Variants in FNBP1L observed in about 807,000 individuals in gnomAD.
FNBP1L encodes formin-binding protein 1-like.
A neutral mutation model predicts 91.2 loss-of-function variants in FNBP1L; 36 were observed. That is an observed-to-expected ratio of 0.39 (90% CI 0.30 to 0.52). The LOEUF is 0.52. Ranked by LOEUF, FNBP1L falls within the 20% of genes least tolerant of loss-of-function variation. The probability of loss-of-function intolerance (pLI) is 0.66; values close to 1 mark genes in which losing one functional copy is unlikely to be tolerated. For synonymous variants in FNBP1L, 242 were observed against 237.0 expected (o/e 1.02, Z -0.19); for missense variants, 571 against 732.1 (o/e 0.78, Z 2.54).
intron 2 of FNBP1L, among the ~76,000 whole-genome samples, chr1:93,501,940 T>A (rs972626005): frequency 1.3e-5 from 2 of 151,908 alleles, no homozygotes; most frequent in African/African-American, 4.8e-5. Flanking sequence ...AAACTCTTCA[T>A]TGCAGGAAAA....
At chr1:93,512,808 C>G (rs1406159969) in intron 2 of FNBP1L, among the ~76,000 whole-genome samples, 3 of 151,848 alleles carry the variant, frequency 2.0e-5, no homozygotes, top group Non-Finnish European at 4.4e-5. Context: ...TAAATGCCCA[C>G]AAGAGAAAGC....
At chr1:93,456,160 T>C (rs879547029) in intron 1 of FNBP1L, among the ~76,000 whole-genome samples, 7 of 152,184 alleles carry the variant, frequency 4.6e-5, no homozygotes, top group Admixed American at 4.6e-4. Flanking sequence ...AGAATCTGTA[T>C]GGAGCCCAAG....
chr1:93,452,583 C>A (rs575300418), intron 1 of FNBP1L, among the ~76,000 whole-genome samples: 10 of 152,250 alleles, frequency 6.6e-5, no homozygotes, highest in African/African-American at 2.4e-4. Flanking sequence ...ACTGGTTAGA[C>A]CATATCTGTA....
At chr1:93,481,550 C>CA in intron 1 of FNBP1L, among the ~76,000 whole-genome samples, 1 of 152,300 alleles carries the variant, frequency 6.6e-6, no homozygotes, top group Middle Eastern at 3.4e-3. Context: ...GTCACACTTA[C>CA]AAGCCTCTTA....
intron 1 of FNBP1L, among the ~76,000 whole-genome samples, chr1:93,477,189 TAAAC>T (rs1336481926): frequency 5.9e-5 from 9 of 152,220 alleles, no homozygotes; most frequent in Admixed American, 1.3e-4. Flanking sequence ...ATTGCAGTAT[TAAAC>T]AAATGGTAAT....
chr1:93,523,244 A>T, intron 3 of FNBP1L, 100 bp from the exon 4 acceptor site: 1 of 1,213,292 alleles, frequency 8.2e-7, no homozygotes. Context: ...TTTAGGTTGA[A>T]TATGCTAAAA....
chr1:93,456,360 A>G (rs935322868), intron 1 of FNBP1L, among the ~76,000 whole-genome samples: 2 of 152,226 alleles, frequency 1.3e-5, no homozygotes, highest in Non-Finnish European at 1.5e-5. Flanking sequence ...TATAGTTTGA[A>G]AAGAATCAGT....
At chr1:93,551,931 A>G (rs1246349323) in intron 16 of FNBP1L, 29 of 986,096 alleles carry the variant, frequency 2.9e-5, no homozygotes, top group Non-Finnish European at 7.2e-6. Flanking sequence ...TACACATAGG[A>G]AAATACACAG....
intron 1 of FNBP1L, among the ~76,000 whole-genome samples, chr1:93,459,297 T>TA (rs1668780469): frequency 6.6e-6 from 1 of 152,138 alleles, no homozygotes; most frequent in South Asian, 2.1e-4. Context: ...CCTCTGTGGT[T>TA]AAGGGGGGAC....
chr1:93,477,278 C>T (rs1669529786), intron 1 of FNBP1L, among the ~76,000 whole-genome samples: 2 of 152,246 alleles, frequency 1.3e-5, no homozygotes, highest in Admixed American at 6.5e-5. Flanking sequence ...TGAGTGTATC[C>T]TGTGTGAATA....
intron 2 of FNBP1L, among the ~76,000 whole-genome samples, chr1:93,511,097 A>G (rs1670822352): frequency 1.3e-5 from 2 of 152,192 alleles, no homozygotes; most frequent in Admixed American, 1.3e-4. Context: ...TTCAGGAAAT[A>G]AAGAGAATGC....
intron 1 of FNBP1L, among the ~76,000 whole-genome samples, chr1:93,475,820 C>T (rs1669474695): frequency 6.6e-6 from 1 of 152,030 alleles, no homozygotes; most frequent in African/African-American, 2.4e-5. Flanking sequence ...ATTCTGTTTA[C>T]TAAAAGGAAA....
chr1:93,487,497 G>A (rs570570196), intron 1 of FNBP1L, among the ~76,000 whole-genome samples: 66 of 152,240 alleles, frequency 4.3e-4, no homozygotes, highest in Non-Finnish European at 8.4e-4. Flanking sequence ...CACTGCATTC[G>A]ATAGAGGAAA....
chr1:93,513,630 A>C (rs1670947757), intron 2 of FNBP1L, among the ~76,000 whole-genome samples: 1 of 152,056 alleles, frequency 6.6e-6, no homozygotes, highest in Admixed American at 6.6e-5. Flanking sequence ...CAAATCAATA[A>C]ATGTAATCCA....
intron 1 of FNBP1L, among the ~76,000 whole-genome samples, chr1:93,456,434 A>T (rs1350312052): frequency 6.6e-6 from 1 of 151,928 alleles, no homozygotes; most frequent in Non-Finnish European, 1.5e-5. Flanking sequence ...GGAGTAAAGG[A>T]TATCTGTTTT....
chr1:93,471,837 C>G (rs1416730746), intron 1 of FNBP1L, among the ~76,000 whole-genome samples: 2 of 152,046 alleles, frequency 1.3e-5, no homozygotes, highest in African/African-American at 2.4e-5. Flanking sequence ...TATTTTATAC[C>G]TTTTAAACAT....
Position 93,481,591 on chromosome 1 carries a change from C to T in FNBP1L, c.25-17877C>T, listed in dbSNP as rs80260161. 4.8e-3 allele frequency among the ~76,000 whole-genome samples: 725 copies of T among 152,180 alleles called. 1 individual carries two copies. The highest frequency in any genetic ancestry group is 7.7e-3 in the Non-Finnish European group (523 of 68,014). On this transcript the variant is annotated intron_variant, in intron 1 of 16. Coordinates refer to ENST00000271234, the MANE Select transcript of FNBP1L (RefSeq NM_001164473.3). ...TTACTCCTGTACTGAAATGAACATA[C>T]GGTAAAATTCAAGAGAAACTGAGGT...
At position 93,499,524 on chromosome 1, in the gene FNBP1L, A is replaced by G. The variant is rs779612235; in HGVS notation, c.81A>G (p.Arg27=). ...AATGGGGAATTGACTTCTTGGAAAG[A>G]TATGCCAAATTTGTTAAAGAGAGGA... The part of the protein sequence containing the change: ...HTQWGIDFLE[R]YAKFVKERIE... Residue 27 remains arginine, a synonymous_variant, in exon 2 of 17, where the codon AGA becomes AGG. Transcript: ENST00000271234. The G allele has an allele frequency of 9.5e-5, 152 of 1,606,388 alleles. No individual in the cohort carries two copies. The highest frequency in any genetic ancestry group is 1.2e-4 in the Non-Finnish European group (141 of 1,176,688).
At chr1:93,509,748 G>A (rs1456119318) in intron 2 of FNBP1L, among the ~76,000 whole-genome samples, 13 of 152,202 alleles carry the variant, frequency 8.5e-5, no homozygotes, top group Non-Finnish European at 2.9e-5. Context: ...AGGTCAGTGG[G>A]TGCACGCACC....
Sources: allele counts gnomAD v4.1 joint callset (sites outside exome capture counted in the v4.1 genomes callset), GRCh38; gene constraint gnomAD v4.1.1; transcripts MANE v1.5; gene names NCBI Gene and HGNC (gene_info 2026-07-23, HGNC 2026-07-21).